POU6F2: variants seen among roughly 807,000 people sequenced by gnomAD.
POU6F2 encodes the protein POU class 6 homeobox 2, also known as POU domain, class 6, transcription factor 2.
A neutral mutation model predicts 71.3 loss-of-function variants in POU6F2; 31 were observed. That is an observed-to-expected ratio of 0.43 (90% CI 0.33 to 0.59). The LOEUF (loss-of-function observed/expected upper bound fraction) is 0.59. Among genes scored for constraint, POU6F2 ranks in the 20% least tolerant of loss-of-function variants. The probability of loss-of-function intolerance (pLI) is 0.04; values close to 1 mark genes in which losing one functional copy is unlikely to be tolerated. For missense variants in POU6F2, 783 were observed against 856.8 expected (o/e 0.91, Z 1.07); for synonymous variants, 347 against 355.7 (o/e 0.98, Z 0.27).
intron 9 of POU6F2, among the ~76,000 whole-genome samples, chr7:39,463,590 G>A (rs1040163817): frequency 6.6e-6 from 1 of 152,120 alleles, no homozygotes; most frequent in African/African-American, 2.4e-5. Flanking sequence ...TTTGTTCCCA[G>A]GGAGAGAAAA....
At chr7:39,312,943 C>T (rs1785194984) in intron 4 of POU6F2, among the ~76,000 whole-genome samples, 1 of 152,148 alleles carries the variant, frequency 6.6e-6, no homozygotes, top group Non-Finnish European at 1.5e-5. Context: ...TGGAATTTTC[C>T]ATTTAATATT....
chr7:39,298,779 G>A (rs1784899305), intron 4 of POU6F2, among the ~76,000 whole-genome samples: 1 of 152,138 alleles, frequency 6.6e-6, no homozygotes, highest in Non-Finnish European at 1.5e-5. Context: ...TGATAGACTG[G>A]ATAAAGAAAA....
In POU6F2 at chr7:39,207,372, C is replaced by G. The variant is rs1265105087; in HGVS notation, c.370-20C>G. 6.2e-7 allele frequency: 1 copy of G among 1,610,362 alleles called. No homozygotes were observed. The highest frequency in any genetic ancestry group is 1.3e-5 in the African/African-American group (1 of 74,982). Reference sequence around the variant, plus strand: ...TTGGTTCCACAGGAAAGTGAGCTAGCTGTATCTGTTTCCTTGCAGCCACTT... The same window carrying G: ...TTGGTTCCACAGGAAAGTGAGCTAGGTGTATCTGTTTCCTTGCAGCCACTT... On this transcript the variant is annotated intron_variant, in intron 3 of 9. Transcript: ENST00000518318.
intron 2 of POU6F2, among the ~76,000 whole-genome samples, chr7:39,145,573 T>C (rs1792603637): frequency 6.6e-6 from 1 of 152,064 alleles, no homozygotes; most frequent in East Asian, 1.9e-4. Context: ...TCTTAAAGGG[T>C]TTTCCAAGTG....
At chr7:39,333,150 G>A (rs1040008312) in intron 4 of POU6F2, among the ~76,000 whole-genome samples, 2 of 152,060 alleles carry the variant, frequency 1.3e-5, no homozygotes, top group Non-Finnish European at 2.9e-5. Flanking sequence ...GCTCCCCTGG[G>A]GTAGTCCTGC....
At chr7:39,123,798 T>A (rs78069670) in intron 2 of POU6F2, among the ~76,000 whole-genome samples, 112 of 152,262 alleles carry the variant, frequency 7.4e-4, no homozygotes, top group African/African-American at 2.5e-3. Flanking sequence ...TTATTCTTTA[T>A]TTTATTTACA....
intron 1 of POU6F2, among the ~76,000 whole-genome samples, chr7:39,015,990 T>A (rs369627740): frequency 0.71 from 19,838 of 27,862 alleles, 8,001 homozygotes; most frequent in Middle Eastern, 0.83. Context: ...TAGATATATA[T>A]AATATATAGA....
intron 6 of POU6F2, among the ~76,000 whole-genome samples, chr7:39,419,003 ATG>A (rs543407191): frequency 1.4e-5 from 2 of 143,898 alleles, no homozygotes; most frequent in Non-Finnish European, 3.0e-5. Context: ...ATGTGTATAT[ATG>A]TGTATATATG....
intron 2 of POU6F2, among the ~76,000 whole-genome samples, chr7:39,172,216 A>G (rs1008354976): frequency 2.0e-5 from 3 of 152,176 alleles, no homozygotes; most frequent in Non-Finnish European, 4.4e-5. Context: ...TTAACATTAG[A>G]TCACATACAT....
At chr7:39,086,126 C>A in intron 2 of POU6F2, 95 bp downstream of exon 2, 1 of 1,216,734 alleles carries the variant, frequency 8.2e-7, no homozygotes, top group African/African-American at 2.2e-5. Flanking sequence ...GTTGTTCATT[C>A]AGTTTTCCCG....
chr7:39,286,358 T>A (rs1784649698), intron 4 of POU6F2, among the ~76,000 whole-genome samples: 1 of 152,190 alleles, frequency 6.6e-6, no homozygotes, highest in African/African-American at 2.4e-5. Flanking sequence ...TCCAAAATAA[T>A]TTAACTACCT....
chr7:39,258,712 A>AAAG (rs201493576), intron 4 of POU6F2, among the ~76,000 whole-genome samples: 13 of 151,832 alleles, frequency 8.6e-5, no homozygotes, highest in East Asian at 7.8e-4. Flanking sequence ...AAAAAAAAAA[A>AAAG]AAGAAGAAGA....
intron 2 of POU6F2, among the ~76,000 whole-genome samples, chr7:39,191,391 C>T (rs1168006935): frequency 6.6e-6 from 1 of 151,940 alleles, no homozygotes; most frequent in Non-Finnish European, 1.5e-5. Context: ...GGGTCATTGT[C>T]TGTGTCTTAT....
intron 4 of POU6F2, among the ~76,000 whole-genome samples, chr7:39,321,906 CAGAGAGAGAGATAG>C (rs1198573962): frequency 1.3e-5 from 2 of 151,194 alleles, no homozygotes; most frequent in African/African-American, 4.9e-5. Context: ...GAGAGAGAGA[CAGAGAGAGAGATAG>C]AGAGAGAGAG....
At chr7:39,250,943 C>T (rs1402840102) in intron 4 of POU6F2, among the ~76,000 whole-genome samples, 1 of 152,198 alleles carries the variant, frequency 6.6e-6, no homozygotes, top group Non-Finnish European at 1.5e-5. Flanking sequence ...TGCTTTGCGT[C>T]TCCATTTGGA....
chr7:39,380,874 G>A lies in POU6F2; in HGVS notation c.973-25726G>A, dbSNP rs141135239. Among the ~76,000 whole-genome samples, 254 of 152,082 alleles carry A rather than the reference G, an allele frequency of 1.7e-3. 2 individuals carry two copies. The highest frequency in any genetic ancestry group is 5.8e-3 in the African/African-American group (240 of 41,486). On this transcript the variant is annotated intron_variant, in intron 5 of 9. Transcript: ENST00000518318. ...GTCGTGTGCACCAGAAATTCTACTC[G>A]TGCTCACCCACTAGTTTCTCCAGTG...
At chr7:39,375,613 C>A (rs145938889) in intron 5 of POU6F2, among the ~76,000 whole-genome samples, 1 of 148,978 alleles carries the variant, frequency 6.7e-6, no homozygotes, top group East Asian at 2.0e-4. Flanking sequence ...AAGACCAATG[C>A]TTCCTCCTTG....
chr7:39,299,806 G>A (rs35489723), intron 4 of POU6F2, among the ~76,000 whole-genome samples: 69,582 of 152,024 alleles, frequency 0.46, 16,757 homozygotes, highest in Admixed American at 0.59. Context: ...GGAAAGGCTC[G>A]GGAGAATTCT....
chr7:39,451,648 C>T lies in POU6F2; in HGVS notation c.1436C>T (p.Ser479Phe). 7 of 1,612,264 alleles carry T rather than the reference C, an allele frequency of 4.3e-6. No individual in the cohort carries two copies. Among genetic ancestry groups the T allele is most frequent in the Non-Finnish European group, 5.1e-6 (6 of 1,179,166 alleles). The change falls in exon 8 of 10, where the codon TCT becomes TTT. Residue 479 changes from serine (S) to phenylalanine (F), a missense_variant. By Grantham distance (155) the Ser-to-Phe change is radical (BLOSUM62 -2). This residue lies in a region of POU6F2 where 572 missense variants were observed against 572.9 expected (regional missense o/e 1.00). Coordinates refer to ENST00000518318, the MANE Select transcript of POU6F2 (RefSeq NM_001370959.1). ...SQSPVRQASS[S>F]SSSSSSSSAL... ...AGTCCCGTCCGGCAGGCTTCCTCTTCTTCCTCCTCATCCTCCTCTTCTTCA... is the reference window on the plus strand; with the variant it reads ...AGTCCCGTCCGGCAGGCTTCCTCTTTTTCCTCCTCATCCTCCTCTTCTTCA...
Sources: allele counts gnomAD v4.1 joint callset (sites outside exome capture counted in the v4.1 genomes callset), GRCh38; gene constraint gnomAD v4.1.1; regional missense constraint gnomAD v4.1.1; transcripts MANE v1.5; gene names NCBI Gene and HGNC (gene_info 2026-07-23, HGNC 2026-07-21).